Variants in RTN4IP1 observed in about 807,000 individuals in gnomAD.
RTN4IP1 encodes the protein reticulon 4 interacting protein 1, also known as NAD(P)H oxidoreductase RTN4IP1, mitochondrial.
A neutral mutation model predicts 46.6 loss-of-function variants in RTN4IP1; 32 were observed. The ratio of observed to expected loss-of-function variants is 0.69; its 90% CI spans 0.52 to 0.92. The LOEUF (loss-of-function observed/expected upper bound fraction) is 0.92, where lower values mean the gene tolerates loss of function less well. Ranked by LOEUF, RTN4IP1 falls within the 40% of genes least tolerant of loss-of-function variation. The pLI, the probability that RTN4IP1 is intolerant of heterozygous loss-of-function variation, is 0.00. For missense variants in RTN4IP1, 424 were observed against 485.8 expected (o/e 0.87, Z 1.20); for synonymous variants, 167 against 161.8 (o/e 1.03, Z -0.24).
intron 8 of RTN4IP1, among the ~76,000 whole-genome samples, chr6:106,576,232 G>C (rs1582854749): frequency 6.6e-6 from 1 of 152,306 alleles, no homozygotes; most frequent in East Asian, 1.9e-4. Flanking sequence ...CTCAAAACTG[G>C]AAGATGGGGT....
At chr6:106,613,261 C>G (rs1582382908) in intron 4 of RTN4IP1, among the ~76,000 whole-genome samples, 1 of 152,266 alleles carries the variant, frequency 6.6e-6, no homozygotes, top group South Asian at 2.1e-4. Flanking sequence ...TTATCCCTAG[C>G]TGTCCTAGTT....
intron 4 of RTN4IP1, among the ~76,000 whole-genome samples, chr6:106,608,057 T>C (rs1776131129): frequency 6.6e-6 from 1 of 152,138 alleles, no homozygotes. Flanking sequence ...CTATTTGCAA[T>C]AGCCAAGATA....
chr6:106,578,115 C>A (rs1775274241), intron 8 of RTN4IP1, among the ~76,000 whole-genome samples: 1 of 152,150 alleles, frequency 6.6e-6, no homozygotes, highest in Non-Finnish European at 1.5e-5. Flanking sequence ...GCCTCACCAC[C>A]ACCTCCTCTC....
intron 5 of RTN4IP1, among the ~76,000 whole-genome samples, chr6:106,595,643 G>A (rs1775772321): frequency 6.6e-6 from 1 of 151,248 alleles, no homozygotes; most frequent in African/African-American, 2.4e-5. Context: ...GATTACAGGT[G>A]CCCACCACCA....
chr6:106,575,897 CA>C (rs1775215714), intron 8 of RTN4IP1, among the ~76,000 whole-genome samples: 1 of 152,130 alleles, frequency 6.6e-6, no homozygotes, highest in Admixed American at 6.5e-5. Context: ...CTTCTTCCAC[CA>C]GGCACAGAGG....
upstream of RTN4IP1, chr6:106,629,842 C>T: frequency 9.5e-7 from 1 of 1,048,626 alleles, no homozygotes; most frequent in Non-Finnish European, 1.4e-6. Context: ...GGGATAAGTA[C>T]CTTTCGATTC....
chr6:106,600,713 A>T (rs1051608714), intron 5 of RTN4IP1, among the ~76,000 whole-genome samples: 5 of 151,942 alleles, frequency 3.3e-5, no homozygotes, highest in African/African-American at 7.3e-5. Flanking sequence ...CTCACTTAGC[A>T]TGTTTTGAAG....
At chr6:106,603,416 G>A (rs1011733298) in intron 4 of RTN4IP1, among the ~76,000 whole-genome samples, 4 of 152,090 alleles carry the variant, frequency 2.6e-5, no homozygotes, top group African/African-American at 7.2e-5. Context: ...TCCCATCCTC[G>A]ATGTGGCTTC....
At chr6:106,591,788 G>A (rs540796257) in intron 6 of RTN4IP1, among the ~76,000 whole-genome samples, 5 of 152,250 alleles carry the variant, frequency 3.3e-5, no homozygotes, top group Non-Finnish European at 7.4e-5. Context: ...GCCAAAACAC[G>A]AAAGTATGTT....
At chr6:106,629,519 A>G, upstream of RTN4IP1, 1 of 949,668 alleles carries the variant, frequency 1.1e-6, no homozygotes, top group Non-Finnish European at 1.5e-6. Flanking sequence ...AATCGCCTAC[A>G]AAGATCATTT....
chr6:106,581,806 A>G (rs1775378182), intron 8 of RTN4IP1, among the ~76,000 whole-genome samples: 1 of 152,244 alleles, frequency 6.6e-6, no homozygotes, highest in Non-Finnish European at 1.5e-5. Flanking sequence ...GAGAGTCACA[A>G]TATTTTGAAT....
At chr6:106,612,655 T>TACCTACTCCACCCTGACTCATTCTCATC (rs57330586) in intron 4 of RTN4IP1, among the ~76,000 whole-genome samples, 2 of 151,728 alleles carry the variant, frequency 1.3e-5, no homozygotes, top group African/African-American at 4.8e-5. Context: ...CTTTTACAAT[T>TACCTACTCCACCCTGACTCATTCTCATC]ACCTGCTCCA....
intron 8 of RTN4IP1, among the ~76,000 whole-genome samples, chr6:106,582,308 T>C (rs962052386): frequency 1.3e-5 from 2 of 152,104 alleles, no homozygotes; most frequent in African/African-American, 4.8e-5. Context: ...TGTCCAAGTG[T>C]CTCAGAGTGG....
intron 7 of RTN4IP1, among the ~76,000 whole-genome samples, chr6:106,586,440 T>C (rs1330707498): frequency 1.3e-5 from 2 of 151,910 alleles, no homozygotes; most frequent in South Asian, 2.1e-4. Context: ...AGTGGCACGA[T>C]CATGGCTCAC....
intron 4 of RTN4IP1, among the ~76,000 whole-genome samples, chr6:106,612,698 A>G (rs11153017): frequency 1.3e-4 from 1 of 7,650 alleles, no homozygotes; most frequent in Non-Finnish European, 9.1e-4. Context: ...GCTCTACCCT[A>G]ACTCATTCCA....
intron 4 of RTN4IP1, among the ~76,000 whole-genome samples, chr6:106,615,567 C>T (rs375977534): frequency 4.6e-5 from 7 of 152,042 alleles, no homozygotes; most frequent in South Asian, 2.1e-4. Context: ...CTCCGCCTCC[C>T]GTGTTCAAGC....
intron 4 of RTN4IP1, among the ~76,000 whole-genome samples, chr6:106,614,328 T>C (rs891281756): frequency 5.3e-5 from 8 of 152,190 alleles, no homozygotes; most frequent in African/African-American, 1.9e-4. Flanking sequence ...AAACCACAAT[T>C]AACTGACATT....
intron 4 of RTN4IP1, among the ~76,000 whole-genome samples, chr6:106,615,289 G>A (rs904414689): frequency 1.3e-5 from 2 of 152,040 alleles, no homozygotes; most frequent in African/African-American, 4.8e-5. Flanking sequence ...AAGCATATCG[G>A]TAGGGAATAA....
intron 5 of RTN4IP1, among the ~76,000 whole-genome samples, chr6:106,593,037 T>C (rs1224991551): frequency 6.6e-6 from 1 of 152,176 alleles, no homozygotes; most frequent in Non-Finnish European, 1.5e-5. Context: ...TACAGAACAT[T>C]AAAATGCCAC....
Sources: gnomAD v4.1 joint callset for allele counts (sites outside exome capture counted in the v4.1 genomes callset) on GRCh38, gnomAD v4.1.1 for gene constraint, MANE v1.5 for transcripts, NCBI Gene and HGNC (gene_info 2026-07-23, HGNC 2026-07-21) for gene names.